LINGO2: variants seen among roughly 807,000 people sequenced by gnomAD.
The protein encoded by LINGO2 is leucine rich repeat and Ig domain containing 2.
LINGO2 carries 14 observed loss-of-function variants against 30.6 expected under a neutral mutation model. The ratio of observed to expected loss-of-function variants is 0.46; its 90% CI spans 0.30 to 0.72. LINGO2 has a LOEUF of 0.72. LINGO2 is among the 30% of genes least tolerant of loss of function. LINGO2 has a pLI of 0.07. For missense variants in LINGO2, 729 were observed against 751.7 expected (o/e 0.97, Z 0.35); for synonymous variants, 317 against 288.5 (o/e 1.10, Z -1.00).
At chr9:28,789,447 C>T in the LINGO2 span, among the ~76,000 whole-genome samples, 1 of 151,966 alleles carries the variant, frequency 6.6e-6, no homozygotes, top group African/African-American at 2.4e-5. Context: ...CACTGTTTGC[C>T]CAGCTTGGAC....
chr9:28,892,197 A>C, the LINGO2 span, among the ~76,000 whole-genome samples: 1 of 151,982 alleles, frequency 6.6e-6, no homozygotes, highest in African/African-American at 2.4e-5. Context: ...GTTTTTGATT[A>C]GAATTATGAA....
intron 4 of LINGO2, among the ~76,000 whole-genome samples, chr9:28,253,614 C>G (rs1236376976): frequency 6.6e-6 from 1 of 152,066 alleles, no homozygotes; most frequent in Non-Finnish European, 1.5e-5. Context: ...AAAGTCTTTT[C>G]TCAGATTTGA....
the LINGO2 span, among the ~76,000 whole-genome samples, chr9:28,825,779 T>C: frequency 6.6e-6 from 1 of 152,128 alleles, no homozygotes; most frequent in Non-Finnish European, 1.5e-5. Context: ...AGTAAAACGT[T>C]GTAGCCACAC....
At chr9:28,157,887 T>C (rs560883085) in intron 4 of LINGO2, among the ~76,000 whole-genome samples, 1 of 152,332 alleles carries the variant, frequency 6.6e-6, no homozygotes, top group South Asian at 2.1e-4. Context: ...GATTTCATTG[T>C]TGATATCAAT....
At chr9:28,226,547 C>G (rs1161837144) in intron 4 of LINGO2, among the ~76,000 whole-genome samples, 2 of 142,870 alleles carry the variant, frequency 1.4e-5, no homozygotes, top group African/African-American at 2.6e-5. Context: ...AGAAATAGAA[C>G]ACATCATTGA....
At chr9:28,241,678 C>A (rs1364406761) in intron 4 of LINGO2, among the ~76,000 whole-genome samples, 4 of 152,254 alleles carry the variant, frequency 2.6e-5, no homozygotes, top group African/African-American at 4.8e-5. Flanking sequence ...TGAGTGAGAT[C>A]CCCCAACAGG....
chr9:28,570,180 A>G (rs1263728505), intron 1 of LINGO2, among the ~76,000 whole-genome samples: 2 of 151,960 alleles, frequency 1.3e-5, no homozygotes, highest in Non-Finnish European at 2.9e-5. Context: ...GTACAACATA[A>G]TGATAGATAC....
At chr9:28,634,000 T>C (rs898794229) in intron 1 of LINGO2, among the ~76,000 whole-genome samples, 1 of 152,134 alleles carries the variant, frequency 6.6e-6, no homozygotes, top group African/African-American at 2.4e-5. Flanking sequence ...TAGAGCGTGG[T>C]TTGTTAAGCA....
intron 1 of LINGO2, among the ~76,000 whole-genome samples, chr9:28,635,084 T>C (rs1296233269): frequency 6.6e-6 from 1 of 152,184 alleles, no homozygotes; most frequent in Non-Finnish European, 1.5e-5. Flanking sequence ...AATATGATGA[T>C]AAGAAATAGC....
At chr9:28,916,042 C>A in the LINGO2 span, among the ~76,000 whole-genome samples, 1 of 152,136 alleles carries the variant, frequency 6.6e-6, no homozygotes, top group South Asian at 2.1e-4. Context: ...TCTGAAACAC[C>A]AGTTCAGGCC....
At chr9:29,132,915 C>T in the LINGO2 span, among the ~76,000 whole-genome samples, 1 of 151,704 alleles carries the variant, frequency 6.6e-6, no homozygotes, top group South Asian at 2.1e-4. Flanking sequence ...GAGATGAGGT[C>T]TCACTTTGTT....
chr9:29,093,543 T>C, the LINGO2 span, among the ~76,000 whole-genome samples: 8 of 136,854 alleles, frequency 5.8e-5, 3 homozygotes, highest in East Asian at 2.0e-3. Flanking sequence ...AAATTTTTTC[T>C]ATTTAAAATC....
chr9:29,104,733 T>C, the LINGO2 span, among the ~76,000 whole-genome samples: 1 of 152,218 alleles, frequency 6.6e-6, no homozygotes, highest in African/African-American at 2.4e-5. Flanking sequence ...TCTGTTATAA[T>C]ATTGTAGATT....
intron 2 of LINGO2, among the ~76,000 whole-genome samples, chr9:28,467,722 C>G (rs939295704): frequency 3.3e-5 from 5 of 151,650 alleles, no homozygotes; most frequent in Admixed American, 2.6e-4. Context: ...TTTAAAGAAG[C>G]CTAATTCAAC....
the LINGO2 span, among the ~76,000 whole-genome samples, chr9:29,202,741 T>G: frequency 2.6e-5 from 4 of 152,080 alleles, no homozygotes; most frequent in Admixed American, 1.3e-4. Flanking sequence ...CCTTCGTTTT[T>G]GGGTCAGCTA....
At chr9:28,884,946 AT>A in the LINGO2 span, among the ~76,000 whole-genome samples, 1 of 76,530 alleles carries the variant, frequency 1.3e-5, no homozygotes, top group Non-Finnish European at 2.3e-5. Context: ...TATAATATAT[AT>A]AATATATAAT....
the LINGO2 span, among the ~76,000 whole-genome samples, chr9:28,842,585 A>C: frequency 2.6e-5 from 4 of 151,874 alleles, no homozygotes; most frequent in African/African-American, 9.7e-5. Context: ...ATGTAAACTC[A>C]TTGGTCATTC....
the LINGO2 span, among the ~76,000 whole-genome samples, chr9:28,885,358 T>TAC: frequency 1.4e-5 from 2 of 142,172 alleles, no homozygotes; most frequent in South Asian, 2.2e-4. Context: ...GATATATATA[T>TAC]ATACACACAC....
At chr9:29,208,810 G>C in the LINGO2 span, among the ~76,000 whole-genome samples, 1 of 152,092 alleles carries the variant, frequency 6.6e-6, no homozygotes, top group African/African-American at 2.4e-5. Flanking sequence ...GAGAAACACA[G>C]TGGAATTCAA....
Sources: gnomAD v4.1 joint callset for allele counts (sites outside exome capture counted in the v4.1 genomes callset) on GRCh38, gnomAD v4.1.1 for gene constraint, MANE v1.5 for transcripts, NCBI Gene and HGNC (gene_info 2026-07-23, HGNC 2026-07-21) for gene names.